The following KIAA1217 variants were observed in gnomAD, a reference collection of about 807,000 sequenced individuals.
KIAA1217 encodes the protein KIAA1217.
In KIAA1217, 88 loss-of-function variants were observed where a neutral mutation model predicts 163.9. That is an observed-to-expected ratio of 0.54 (90% CI 0.45 to 0.64). The LOEUF (loss-of-function observed/expected upper bound fraction) is 0.64. Ranked by LOEUF, KIAA1217 falls within the 30% of genes least tolerant of loss-of-function variation. The pLI is 0.00. For synonymous variants in KIAA1217, 903 were observed against 923.1 expected (o/e 0.98, Z 0.39); for missense variants, 2,372 against 2,475.0 (o/e 0.96, Z 0.88).
chr10:23,934,567 A>ATATATATATATATATATG (rs1843403582), intron 1 of KIAA1217, among the ~76,000 whole-genome samples: 2 of 76,332 alleles, frequency 2.6e-5, no homozygotes, highest in South Asian at 3.5e-4. Flanking sequence ...GTATATATAT[A>ATATATATATATATATATG]TATATATATA....
chr10:24,517,824 A>G (rs965289218), intron 10 of KIAA1217, among the ~76,000 whole-genome samples: 1 of 152,088 alleles, frequency 6.6e-6, no homozygotes, highest in South Asian at 2.1e-4. Context: ...GCGAATCCCT[A>G]TCTCTACTGA....
Position 24,160,947 on chromosome 10 carries a change from C to CAAGTCTATA in KIAA1217, c.-170-58676_-170-58668dup, listed in dbSNP as rs2065090861. Among the ~76,000 whole-genome samples the CAAGTCTATA allele has an allele frequency of 2.6e-5, 4 of 152,184 alleles. No individual in the cohort carries two copies. The South Asian group carries it at 8.3e-4, about 32-fold the overall frequency. On this transcript the variant is annotated intron_variant, in intron 2 of 18. Transcript: ENST00000376462. ...AATAGCATTAATGACTAGGCCCCTA[C>CAAGTCTATA]AAGTCTATAAATTCTTATTTGAAAA...
At chr10:23,781,386 A>C (rs1253946128) in intron 1 of KIAA1217, among the ~76,000 whole-genome samples, 1 of 152,108 alleles carries the variant, frequency 6.6e-6, no homozygotes, top group Non-Finnish European at 1.5e-5. Context: ...ACTTTTTCAC[A>C]TCTCTGTTGG....
rs2135117512 is a variant in KIAA1217, at chr10:24,533,330, G to A, written c.3414+93G>A. ...ACAGATTTGTTAGCGAGAAGGCCAG[G>A]GAAGCGCATGGACCGGGACCATAGA... is the stretch of plus-strand genomic sequence containing the variant. On this transcript the variant is annotated intron_variant, in intron 16 of 20. Coordinates refer to ENST00000376454, the MANE Select transcript of KIAA1217 (RefSeq NM_019590.5). 5 of 1,253,006 alleles carry A rather than the reference G, an allele frequency of 4.0e-6. No individual in the cohort carries two copies. The East Asian group carries it at 1.0e-4, about 25-fold the overall frequency. 77.6% of individuals were successfully genotyped at this position (1,253,006 alleles called of 1,614,324 possible). A position where few individuals can be genotyped will look rare whatever the true frequency, so the allele number is the denominator to read the frequency against.
upstream of KIAA1217, among the ~76,000 whole-genome samples, chr10:24,208,374 G>GGTGT (rs10539475): frequency 0.056 from 8,278 of 148,898 alleles, 308 homozygotes; most frequent in Admixed American, 0.076. Flanking sequence ...TTAAGGGCTG[G>GGTGT]GTGTGTGTGT....
intron 3 of KIAA1217, among the ~76,000 whole-genome samples, chr10:24,421,926 C>T (rs72776763): frequency 0.12 from 18,471 of 152,068 alleles, 1,167 homozygotes; most frequent in East Asian, 0.16. Flanking sequence ...TCTATGTCTT[C>T]GTCTGTTCTC....
chr10:24,160,656 A>G (rs1159107395), intron 2 of KIAA1217, among the ~76,000 whole-genome samples: 2 of 152,184 alleles, frequency 1.3e-5, no homozygotes, highest in Non-Finnish European at 2.9e-5. Flanking sequence ...GGCCTTTCAA[A>G]CTAAATGCCA....
intron 2 of KIAA1217, among the ~76,000 whole-genome samples, chr10:24,012,899 C>T (rs558398942): frequency 6.6e-6 from 1 of 152,226 alleles, no homozygotes; most frequent in East Asian, 1.9e-4. Context: ...AAATCACATC[C>T]TAACGCATAA....
intron 1 of KIAA1217, among the ~76,000 whole-genome samples, chr10:23,965,845 A>T (rs868576813): frequency 6.6e-6 from 1 of 152,186 alleles, no homozygotes; most frequent in African/African-American, 2.4e-5. Flanking sequence ...GGGTCTCTGC[A>T]GAGTTTGCCA....
At chr10:24,089,827 T>C (rs890319292) in intron 2 of KIAA1217, among the ~76,000 whole-genome samples, 7 of 151,886 alleles carry the variant, frequency 4.6e-5, no homozygotes, top group Admixed American at 1.3e-4. Flanking sequence ...TCCATGCTCA[T>C]GGATAGGAAG....
intron 3 of KIAA1217, among the ~76,000 whole-genome samples, chr10:24,420,637 G>A (rs959339885): frequency 1.2e-4 from 18 of 152,088 alleles, no homozygotes; most frequent in Non-Finnish European, 2.5e-4. Flanking sequence ...TTTTGTTTAT[G>A]CGAAGTTTTA....
intron 2 of KIAA1217, among the ~76,000 whole-genome samples, chr10:24,297,457 CTG>C (rs1237329296): frequency 6.6e-6 from 1 of 152,160 alleles, no homozygotes; most frequent in African/African-American, 2.4e-5. Flanking sequence ...CATAAAGAAA[CTG>C]GAGTCTTTAG....
chr10:24,477,557 A>G (rs917585417), intron 6 of KIAA1217, among the ~76,000 whole-genome samples: 1 of 152,272 alleles, frequency 6.6e-6, no homozygotes, highest in African/African-American at 2.4e-5. Context: ...TTCAACCAGA[A>G]TTCTTCAAAA....
intron 1 of KIAA1217, among the ~76,000 whole-genome samples, chr10:23,821,806 GTC>G (rs1409254465): frequency 6.6e-6 from 1 of 152,228 alleles, no homozygotes; most frequent in African/African-American, 2.4e-5. Flanking sequence ...TGGCTTAAGA[GTC>G]TCATGGTGTT....
At chr10:24,045,356 A>G (rs528016426) in intron 2 of KIAA1217, among the ~76,000 whole-genome samples, 1 of 152,076 alleles carries the variant, frequency 6.6e-6, no homozygotes, top group East Asian at 1.9e-4. Context: ...TTTTGGCTTG[A>G]TGGGCTCTTT....
At position 23,924,622 on chromosome 10, in the gene KIAA1217, A is replaced by G. The variant is rs546176817; in HGVS notation, c.-320-82603A>G. On this transcript the variant is annotated intron_variant, in intron 1 of 18. Coordinates refer to the KIAA1217 transcript ENST00000376462. ...GTTCAAAGTCAGACAGTAGGACCAT[A>G]GCGAGCTGGGACCACACCTTGCTTC... Among the ~76,000 whole-genome samples the G allele has an allele frequency of 6.6e-5, 10 of 152,328 alleles. No homozygotes were observed. In the South Asian group the frequency reaches 1.9e-3, roughly 28 times the overall value.
rs559501311 is a variant in KIAA1217, at chr10:24,021,651, G to C, written c.-171+14277G>C. On this transcript the variant is annotated intron_variant, in intron 2 of 18. Transcript: ENST00000376462. Reference sequence around the variant, plus strand: ...AAATAGCCAACACAGTATGGAAGGGGAAGAATAAAGCTGGAGGAGTGATAC... The same window carrying C: ...AAATAGCCAACACAGTATGGAAGGGCAAGAATAAAGCTGGAGGAGTGATAC... Among the ~76,000 whole-genome samples, 6 of 151,934 alleles carry C rather than the reference G, an allele frequency of 3.9e-5. No individual in the cohort carries two copies. In the South Asian group the frequency reaches 1.2e-3, roughly 32 times the overall value.
At chr10:23,696,430 T>C (rs1340683150) in intron 1 of KIAA1217, among the ~76,000 whole-genome samples, 1 of 152,196 alleles carries the variant, frequency 6.6e-6, no homozygotes, top group Non-Finnish European at 1.5e-5. Flanking sequence ...TGATACCAAG[T>C]CTACACTTCG....
At chr10:23,749,853 T>C (rs978087984) in intron 1 of KIAA1217, among the ~76,000 whole-genome samples, 12 of 152,338 alleles carry the variant, frequency 7.9e-5, no homozygotes, top group African/African-American at 2.9e-4. Context: ...CTCAAAGCTA[T>C]GTGCTGATTG....
Sources: allele counts gnomAD v4.1 joint callset (sites outside exome capture counted in the v4.1 genomes callset), GRCh38; gene constraint gnomAD v4.1.1; transcripts MANE v1.5; gene names NCBI Gene and HGNC (gene_info 2026-07-23, HGNC 2026-07-21).